Variants in PDSS2 observed in about 807,000 individuals in gnomAD.
PDSS2 encodes the protein all trans-polyprenyl-diphosphate synthase PDSS2.
PDSS2 carries 31 observed loss-of-function variants against 44.5 expected under a neutral mutation model. The observed-to-expected ratio is 0.70, with a 90% CI of 0.52 to 0.94. PDSS2 has a LOEUF of 0.94. Among genes scored for constraint, PDSS2 ranks in the 40% least tolerant of loss-of-function variants. PDSS2 has a pLI of 0.00. For synonymous variants in PDSS2, 157 were observed against 180.3 expected, an observed-to-expected ratio of 0.87 and a Z score of 1.03; for missense variants, 452 against 482.2, an observed-to-expected ratio of 0.94 and a Z score of 0.59.
Position 107,396,777 on chromosome 6 carries a change from C to G in PDSS2, c.296+62213G>C, listed in dbSNP as rs549728124. Among the ~76,000 whole-genome samples the G allele has an allele frequency of 2.8e-5, 4 of 142,672 alleles. No individual in the cohort carries two copies. The East Asian group carries it at 9.0e-4, about 32-fold the overall frequency. The allele number at this position is 142,672 out of a possible 152,430, so 93.6% of individuals were successfully genotyped here. On this transcript the variant is annotated intron_variant, in intron 1 of 7. Coordinates refer to ENST00000369037, the MANE Select transcript of PDSS2 (RefSeq NM_020381.4). The stretch of plus-strand genomic sequence containing the variant: ...AATCATAGCTCACTGCAACCTCAAA[C>G]TCCTGGGCTCAAGGAATCCTCCCAC...
At chr6:107,182,266 C>A (rs4317447) in intron 7 of PDSS2, among the ~76,000 whole-genome samples, 14,160 of 152,184 alleles carry the variant, frequency 0.093, 748 homozygotes, top group South Asian at 0.19. Flanking sequence ...TAATAAGGCA[C>A]AACTCTGGTT....
chr6:107,277,704 G>C (rs983101338), intron 2 of PDSS2, among the ~76,000 whole-genome samples: 3 of 152,134 alleles, frequency 2.0e-5, no homozygotes, highest in African/African-American at 7.2e-5. Context: ...TGTAATCCCT[G>C]CACTATGGGA....
intron 4 of PDSS2, among the ~76,000 whole-genome samples, chr6:107,241,285 T>C (rs929626469): frequency 2.1e-5 from 3 of 146,096 alleles, no homozygotes; most frequent in African/African-American, 5.0e-5. Flanking sequence ...ATATAAGTCA[T>C]GTACATTTTC....
intron 4 of PDSS2, among the ~76,000 whole-genome samples, chr6:107,226,946 C>G (rs1562390980): frequency 6.6e-6 from 1 of 151,570 alleles, no homozygotes; most frequent in Non-Finnish European, 1.5e-5. Context: ...GCTGGGATTA[C>G]AGGCTTGAGC....
chr6:107,322,943 C>G (rs1777427895), intron 2 of PDSS2, among the ~76,000 whole-genome samples: 4 of 152,154 alleles, frequency 2.6e-5, no homozygotes, highest in Admixed American at 2.6e-4. Flanking sequence ...TAGAGATAAC[C>G]AATCAGAGAA....
At chr6:107,295,563 G>C (rs1776484481) in intron 2 of PDSS2, among the ~76,000 whole-genome samples, 1 of 152,164 alleles carries the variant, frequency 6.6e-6, no homozygotes, top group South Asian at 2.1e-4. Context: ...ACCTGATAAA[G>C]AGAGAATCAT....
At chr6:107,262,070 G>A (rs953022261) in intron 3 of PDSS2, among the ~76,000 whole-genome samples, 24 of 151,462 alleles carry the variant, frequency 1.6e-4, no homozygotes, top group African/African-American at 5.1e-4. Context: ...CACCACGCCC[G>A]GCTAATTTTT....
At chr6:107,193,306 A>G (rs779501401) in intron 7 of PDSS2, among the ~76,000 whole-genome samples, 9 of 152,166 alleles carry the variant, frequency 5.9e-5, no homozygotes, top group Non-Finnish European at 1.2e-4. Flanking sequence ...AGTGGTACCT[A>G]GGCACATGTG....
intron 4 of PDSS2, among the ~76,000 whole-genome samples, chr6:107,234,582 C>A (rs1774166289): frequency 6.6e-6 from 1 of 151,830 alleles, no homozygotes. Flanking sequence ...GATGAATTCC[C>A]AAATCATCTT....
At chr6:107,165,015 GT>G (rs1326911701) in intron 7 of PDSS2, among the ~76,000 whole-genome samples, 1 of 152,080 alleles carries the variant, frequency 6.6e-6, no homozygotes, top group Non-Finnish European at 1.5e-5. Context: ...TGATGGGGTT[GT>G]TTTTTTCTTG....
At chr6:107,303,022 A>C (rs914861106) in intron 2 of PDSS2, among the ~76,000 whole-genome samples, 1 of 152,196 alleles carries the variant, frequency 6.6e-6, no homozygotes, top group African/African-American at 2.4e-5. Context: ...ATTTTCTGTT[A>C]CTAAATTGAG....
intron 1 of PDSS2, among the ~76,000 whole-genome samples, chr6:107,447,535 T>A (rs750349060): frequency 4.6e-5 from 7 of 152,196 alleles, no homozygotes; most frequent in Non-Finnish European, 1.0e-4. Flanking sequence ...CTCCTTTGAT[T>A]CCATGTCTCA....
At chr6:107,214,992 A>G (rs1264820833) in intron 4 of PDSS2, among the ~76,000 whole-genome samples, 1 of 152,228 alleles carries the variant, frequency 6.6e-6, no homozygotes, top group South Asian at 2.1e-4. Flanking sequence ...TATGCAACAC[A>G]GCATTGGATA....
chr6:107,353,021 A>G (rs532530105), intron 1 of PDSS2, among the ~76,000 whole-genome samples: 1 of 152,330 alleles, frequency 6.6e-6, no homozygotes, highest in East Asian at 1.9e-4. Context: ...TATGTGCTCA[A>G]TATGCACTAG....
intron 3 of PDSS2, among the ~76,000 whole-genome samples, chr6:107,273,394 A>T (rs1775671161): frequency 6.6e-6 from 1 of 152,150 alleles, no homozygotes; most frequent in African/African-American, 2.4e-5. Context: ...TAAAGAAATA[A>T]TCTGGAATAG....
At chr6:107,431,250 TTTTTC>T (rs1243108741) in intron 1 of PDSS2, among the ~76,000 whole-genome samples, 1 of 152,188 alleles carries the variant, frequency 6.6e-6, no homozygotes, top group East Asian at 1.9e-4. Context: ...ACTGTCACCC[TTTTTC>T]TTTTCCTTTT....
intron 6 of PDSS2, among the ~76,000 whole-genome samples, chr6:107,205,307 A>C (rs927260450): frequency 2.0e-5 from 3 of 152,232 alleles, no homozygotes; most frequent in African/African-American, 7.2e-5. Flanking sequence ...TATTAGGAAT[A>C]GCCAAGAAAA....
intron 1 of PDSS2, among the ~76,000 whole-genome samples, chr6:107,406,409 A>G (rs567412534): frequency 2.0e-5 from 3 of 152,316 alleles, no homozygotes; most frequent in East Asian, 3.9e-4. Flanking sequence ...ACTGTTTCCA[A>G]TAGCTTTGTA....
At chr6:107,390,884 G>A (rs1779758408) in intron 1 of PDSS2, among the ~76,000 whole-genome samples, 1 of 152,052 alleles carries the variant, frequency 6.6e-6, no homozygotes, top group South Asian at 2.1e-4. Context: ...CATCCTTTCA[G>A]TGTTAACAAT....
Sources: allele counts gnomAD v4.1 joint callset (sites outside exome capture counted in the v4.1 genomes callset), GRCh38; gene constraint gnomAD v4.1.1; transcripts MANE v1.5; gene names NCBI Gene and HGNC (gene_info 2026-07-23, HGNC 2026-07-21).